The following MALRD1 variants were observed in gnomAD, a reference collection of about 807,000 sequenced individuals.
MALRD1 encodes MAM and LDL-receptor class A domain-containing protein 1.
In MALRD1, 247 loss-of-function variants were observed where a neutral mutation model predicts 242.1. The ratio of observed to expected loss-of-function variants is 1.02; its 90% CI spans 0.92 to 1.13. The LOEUF is 1.13. Ranked by LOEUF, MALRD1 falls within the 50% of genes most tolerant of loss-of-function variation. MALRD1 has a pLI of 0.00. For missense variants in MALRD1, 2,989 were observed against 2,533.1 expected, an observed-to-expected ratio of 1.18 and a Z score of -3.86; for synonymous variants, 995 against 866.6, an observed-to-expected ratio of 1.15 and a Z score of -2.60.
At chr10:19,223,716 A>G (rs1428690119) in intron 18 of MALRD1, among the ~76,000 whole-genome samples, 4 of 152,072 alleles carry the variant, frequency 2.6e-5, no homozygotes, top group Admixed American at 6.6e-5. Context: ...ACCCACTGAC[A>G]GGCCCCAGTG....
At position 19,352,302 on chromosome 10, in the gene MALRD1, A is replaced by T. The variant is rs7092566; in HGVS notation, c.4441+5A>T. The T allele has an allele frequency of 1.0e-4, 153 of 1,534,980 alleles. No individual in the cohort carries two copies. Among genetic ancestry groups the T allele is most frequent in the Non-Finnish European group, 1.3e-4 (148 of 1,139,586 alleles). On this transcript the variant is annotated splice_donor_5th_base_variant and intron_variant, in intron 26 of 39. Transcript: ENST00000454679. ...TGGCAGTGCCTCTTCCAACAGGTAC[A>T]TTCTAATCTGTGTGTGTGTGTGGTA... is the stretch of plus-strand genomic sequence containing the variant.
chr10:19,703,168 G>A (rs1833698957), intron 38 of MALRD1, among the ~76,000 whole-genome samples: 1 of 152,328 alleles, frequency 6.6e-6, no homozygotes, highest in African/African-American at 2.4e-5. Context: ...GTCTCACAGA[G>A]CTCAAGGGTG....
At chr10:19,727,622 G>T (rs1043038927) in intron 38 of MALRD1, among the ~76,000 whole-genome samples, 8 of 152,020 alleles carry the variant, frequency 5.3e-5, no homozygotes, top group Non-Finnish European at 1.0e-4. Flanking sequence ...AAATTTCTAA[G>T]TCAGTTCCTT....
At chr10:19,540,420 A>T (rs1339240909) in intron 32 of MALRD1, among the ~76,000 whole-genome samples, 5 of 152,170 alleles carry the variant, frequency 3.3e-5, no homozygotes, top group Admixed American at 2.6e-4. Context: ...ACATCACTCA[A>T]CAATGATTCT....
At chr10:19,236,185 C>G (rs1363624540) in intron 18 of MALRD1, among the ~76,000 whole-genome samples, 1 of 152,160 alleles carries the variant, frequency 6.6e-6, no homozygotes, top group Non-Finnish European at 1.5e-5. Context: ...GTGGGCACTG[C>G]TTTTCACTCT....
At chr10:19,123,454 C>T (rs2131379189) in intron 5 of MALRD1, 38 bp from the exon 6 acceptor site, 8 of 1,149,754 alleles carry the variant, frequency 7.0e-6, no homozygotes, top group Non-Finnish European at 8.8e-6. Flanking sequence ...TCCAGTTGCA[C>T]CTGCATTTCA....
rs7907571 is a variant in MALRD1, at chr10:19,146,268, C to T, written c.1482C>T (p.His494=). Residue 494 remains histidine, a synonymous_variant, in exon 11 of 40, where the codon CAC becomes CAT. Coordinates refer to ENST00000454679, the MANE Select transcript of MALRD1 (RefSeq NM_001142308.3). ...GWEPFLTEDS[H]WKLMKGLNNG... ...AGCCATTTCTCACAGAAGATTCACA[C>T]TGGAAGCTGATGAAAGGATTGAATA... is the stretch of plus-strand genomic sequence containing the variant. 1,696 of 1,231,616 alleles carry T rather than the reference C, an allele frequency of 1.4e-3. 17 individuals are homozygous for T. In the African/African-American group the frequency reaches 0.024, roughly 17 times the overall value. 76.3% of individuals were successfully genotyped at this position (1,231,616 alleles called of 1,614,324 possible).
At chr10:19,393,879 T>C (rs1174459276) in intron 28 of MALRD1, among the ~76,000 whole-genome samples, 1 of 152,176 alleles carries the variant, frequency 6.6e-6, no homozygotes, top group Non-Finnish European at 1.5e-5. Context: ...CTGTCTAGCC[T>C]CTACAAGAAA....
At chr10:19,539,121 A>G (rs1048355961) in intron 32 of MALRD1, among the ~76,000 whole-genome samples, 4 of 152,222 alleles carry the variant, frequency 2.6e-5, no homozygotes, top group African/African-American at 9.6e-5. Flanking sequence ...GTCAGACTTA[A>G]TAAGATCAGA....
At chr10:19,527,981 T>C (rs1834177842) in intron 31 of MALRD1, among the ~76,000 whole-genome samples, 1 of 152,202 alleles carries the variant, frequency 6.6e-6, no homozygotes, top group South Asian at 2.1e-4. Flanking sequence ...CCACCGTTCA[T>C]AGTAGGTTTG....
At chr10:19,155,862 G>A (rs1834123955) in intron 12 of MALRD1, among the ~76,000 whole-genome samples, 1 of 152,270 alleles carries the variant, frequency 6.6e-6, no homozygotes, top group African/African-American at 2.4e-5. Flanking sequence ...TTGGTACATA[G>A]TAGGTAAACA....
intron 8 of MALRD1, among the ~76,000 whole-genome samples, chr10:19,128,596 T>C (rs1314935711): frequency 1.3e-5 from 2 of 152,154 alleles, no homozygotes; most frequent in East Asian, 3.9e-4. Context: ...CCCAATATTA[T>C]TTCATAAAGT....
chr10:19,246,126 A>C (rs549541267), intron 18 of MALRD1, among the ~76,000 whole-genome samples: 9 of 152,014 alleles, frequency 5.9e-5, no homozygotes, highest in Non-Finnish European at 1.5e-5. Flanking sequence ...ACAACTGACT[A>C]TATTAGTTTG....
In MALRD1 at chr10:19,191,567, A is replaced by G. The variant is rs558110139; in HGVS notation, c.1952-12161A>G. Among the ~76,000 whole-genome samples the G allele has an allele frequency of 7.2e-5, 11 of 152,356 alleles. No individual in the cohort carries two copies. The South Asian group carries it at 1.9e-3, about 26-fold the overall frequency. ...CATGTTCATAGAAGCATTATTCACA[A>G]TAGCTAAAACCTGAAAGTAACCCAA... On this transcript the variant is annotated intron_variant, in intron 14 of 39. Coordinates refer to ENST00000454679, the MANE Select transcript of MALRD1 (RefSeq NM_001142308.3).
intron 14 of MALRD1, among the ~76,000 whole-genome samples, chr10:19,193,929 A>G (rs1156305356): frequency 6.6e-6 from 1 of 152,106 alleles, no homozygotes; most frequent in Admixed American, 6.5e-5. Flanking sequence ...ACATTATTTT[A>G]AAAATACATC....
At chr10:19,072,653 A>T (rs1835189619) in intron 2 of MALRD1, among the ~76,000 whole-genome samples, 1 of 152,098 alleles carries the variant, frequency 6.6e-6, no homozygotes. Context: ...GAACACAGAT[A>T]CATTATAATC....
chr10:19,140,491 C>A (rs1203938850), intron 10 of MALRD1, among the ~76,000 whole-genome samples: 1 of 151,406 alleles, frequency 6.6e-6, no homozygotes, highest in East Asian at 1.9e-4. Flanking sequence ...CCAGCCAAAA[C>A]AACTGAAGTC....
chr10:19,668,821 T>C (rs1399216496), intron 36 of MALRD1, among the ~76,000 whole-genome samples: 3 of 151,850 alleles, frequency 2.0e-5, no homozygotes, highest in Non-Finnish European at 4.4e-5. Context: ...AAAAGAAAAT[T>C]TAAGGGTCAA....
intron 10 of MALRD1, among the ~76,000 whole-genome samples, chr10:19,139,240 A>G (rs952007386): frequency 2.6e-5 from 4 of 152,246 alleles, no homozygotes; most frequent in Non-Finnish European, 4.4e-5. Context: ...TATTTAATAT[A>G]TTTGTGCATA....
Sources: allele counts gnomAD v4.1 joint callset (sites outside exome capture counted in the v4.1 genomes callset), GRCh38; gene constraint gnomAD v4.1.1; transcripts MANE v1.5; gene names NCBI Gene and HGNC (gene_info 2026-07-23, HGNC 2026-07-21).